Variants in BIN3 observed in about 807,000 individuals in gnomAD.
BIN3 encodes bridging integrator 3.
Under a neutral mutation model 38.2 loss-of-function variants are expected in BIN3, and 41 were observed. The ratio of observed to expected loss-of-function variants is 1.07; its 90% confidence interval spans 0.84 to 1.39. The LOEUF (loss-of-function observed/expected upper bound fraction) is 1.39, where lower values mean the gene tolerates loss of function less well. Ranked by LOEUF, BIN3 falls within the 40% of genes most tolerant of loss-of-function variation. The probability of loss-of-function intolerance (pLI) is 0.00; values close to 1 mark genes in which losing one functional copy is unlikely to be tolerated. For synonymous variants in BIN3, 145 were observed against 122.6 expected, an observed-to-expected ratio of 1.18 and a Z score of -1.21; for missense variants, 361 against 324.3, an observed-to-expected ratio of 1.11 and a Z score of -0.87.
chr8:22,663,878 A>T (rs1465888213), intron 1 of BIN3, among the ~76,000 whole-genome samples: 1 of 152,200 alleles, frequency 6.6e-6, no homozygotes, highest in Non-Finnish European at 1.5e-5. Context: ...CATCTGCTTC[A>T]AGTCTTTCTT....
intron 4 of BIN3, among the ~76,000 whole-genome samples, chr8:22,632,817 T>C (rs913375418): frequency 2.0e-5 from 3 of 151,936 alleles, no homozygotes; most frequent in Middle Eastern, 3.4e-3. Flanking sequence ...CAAGTGATTC[T>C]CCTGCCTCAG....
At chr8:22,652,601 C>T (rs1802939244) in intron 1 of BIN3, among the ~76,000 whole-genome samples, 1 of 152,222 alleles carries the variant, frequency 6.6e-6, no homozygotes, top group African/African-American at 2.4e-5. Flanking sequence ...AGGGCAGTCC[C>T]ACCCTCAGCT....
chr8:22,636,606 C>G lies in BIN3; in HGVS notation c.99-20G>C, dbSNP rs1200970436. ...TCCAGCCTGCAAGGCAGGGGACGGGCTGCTTGGGGTCCCCTTCCTTCCCCC... is the reference window on the plus strand; with the variant it reads ...TCCAGCCTGCAAGGCAGGGGACGGGGTGCTTGGGGTCCCCTTCCTTCCCCC... On this transcript the variant is annotated intron_variant, in intron 3 of 8. Coordinates refer to ENST00000276416, the MANE Select transcript of BIN3 (RefSeq NM_018688.6). 6.4e-7 allele frequency: 1 copy of G among 1,550,894 alleles called. No individual in the cohort carries two copies. The highest frequency in any genetic ancestry group is 2.0e-5 in the Admixed American group (1 of 51,016).
intron 1 of BIN3, among the ~76,000 whole-genome samples, chr8:22,656,004 A>G (rs1296896475): frequency 6.6e-6 from 1 of 152,114 alleles, no homozygotes; most frequent in Non-Finnish European, 1.5e-5. Flanking sequence ...CTCATTAAAA[A>G]TTTTTTTCCA....
intron 4 of BIN3, among the ~76,000 whole-genome samples, chr8:22,632,027 A>C (rs1230858633): frequency 1.3e-5 from 2 of 152,236 alleles, no homozygotes; most frequent in African/African-American, 4.8e-5. Flanking sequence ...CACATTGTGA[A>C]TGCATTTCTT....
chr8:22,638,567 C>T (rs1165966598), intron 2 of BIN3, among the ~76,000 whole-genome samples: 5 of 152,222 alleles, frequency 3.3e-5, no homozygotes, highest in Non-Finnish European at 5.9e-5. Context: ...TACAAATTTA[C>T]TTGCTGACTA....
chr8:22,630,048 G>A (rs372793609), intron 5 of BIN3, 44 bp from the exon 6 acceptor site: 41 of 1,567,690 alleles, frequency 2.6e-5, no homozygotes, highest in Non-Finnish European at 3.2e-5. Flanking sequence ...GTGGGGAGGG[G>A]AGGGCGACAC....
intron 1 of BIN3, 200 bp from the exon 2 acceptor site, chr8:22,645,003 C>T (rs1802671309): frequency 3.8e-6 from 2 of 526,992 alleles, no homozygotes; most frequent in Admixed American, 3.1e-5. Flanking sequence ...GTCCTCCCAC[C>T]TACAGTGTCA....
rs1358790372 is a variant in BIN3 at position 22,621,284 on chromosome 8, G to GTCAT, written c.*134_*137dup. 8.5e-7 allele frequency: 1 copy of GTCAT among 1,181,072 alleles called. No homozygotes were observed. Among genetic ancestry groups the GTCAT allele is most frequent in the Non-Finnish European group, 1.2e-6 (1 of 858,816 alleles). The allele number at this position is 1,181,072 out of a possible 1,614,324, so 73.2% of individuals were successfully genotyped here. The stretch of plus-strand genomic sequence containing the variant: ...GCTCCTGGTGCCAGGCTCAGGAAGA[G>GTCAT]TCATTCATTGCAAAGGGCCGGCAAG... On this transcript the variant is annotated 3_prime_UTR_variant, in exon 9 of 9. Transcript: ENST00000276416.
chr8:22,628,056 G>C lies in BIN3; in HGVS notation c.338+1908C>G, dbSNP rs555995895. Among the ~76,000 whole-genome samples the C allele has an allele frequency of 3.3e-5, 5 of 152,384 alleles. No individual in the cohort carries two copies. The East Asian group carries it at 9.6e-4, about 29-fold the overall frequency. ...CTCCCCTGGGGATGGGAGGGGCGAA[G>C]AGGAGAAGGAGAGGGAAGGTGAGCG... On this transcript the variant is annotated intron_variant, in intron 6 of 8. Transcript: ENST00000276416.
intron 6 of BIN3, among the ~76,000 whole-genome samples, chr8:22,628,365 C>T (rs1279331141): frequency 6.6e-6 from 1 of 152,212 alleles, no homozygotes; most frequent in Admixed American, 6.5e-5. Context: ...AGCTTCTCTT[C>T]TGGCAAGAGG....
At chr8:22,656,007 T>G (rs1563980112) in intron 1 of BIN3, among the ~76,000 whole-genome samples, 1 of 152,180 alleles carries the variant, frequency 6.6e-6, no homozygotes, top group Non-Finnish European at 1.5e-5. Context: ...ATTAAAAATT[T>G]TTTTCCAGGT....
intron 5 of BIN3, 42 bp from the exon 6 acceptor site, chr8:22,630,046 G>A (rs754944560): frequency 1.3e-5 from 21 of 1,574,420 alleles, no homozygotes; most frequent in Admixed American, 1.8e-5. Flanking sequence ...TGGTGGGGAG[G>A]GGAGGGCGAC....
intron 1 of BIN3, among the ~76,000 whole-genome samples, chr8:22,667,362 A>T (rs574058848): frequency 6.6e-6 from 1 of 152,314 alleles, no homozygotes; most frequent in South Asian, 2.1e-4. Context: ...TCACCCAGAG[A>T]ATCATTTACC....
intron 1 of BIN3, among the ~76,000 whole-genome samples, chr8:22,663,705 CA>C (rs2117603791): frequency 6.6e-6 from 1 of 152,304 alleles, no homozygotes; most frequent in Non-Finnish European, 1.5e-5. Flanking sequence ...CTACCCAAAC[CA>C]CTACTTACCA....
At chr8:22,657,535 AG>A (rs929924428) in intron 1 of BIN3, among the ~76,000 whole-genome samples, 15 of 152,250 alleles carry the variant, frequency 9.9e-5, no homozygotes, top group African/African-American at 2.9e-4. Flanking sequence ...ACAGAGCCCA[AG>A]AGGATATATG....
intron 1 of BIN3, among the ~76,000 whole-genome samples, chr8:22,660,607 G>C (rs1050513544): frequency 6.6e-6 from 1 of 152,218 alleles, no homozygotes; most frequent in South Asian, 2.1e-4. Flanking sequence ...TCCCCATCCC[G>C]TGGGGCAGGG....
At chr8:22,645,356 C>T (rs1802682591) in intron 1 of BIN3, among the ~76,000 whole-genome samples, 2 of 151,838 alleles carry the variant, frequency 1.3e-5, no homozygotes, top group Non-Finnish European at 2.9e-5. Context: ...GTGGCACATG[C>T]CTGTAGTCCC....
intron 4 of BIN3, among the ~76,000 whole-genome samples, chr8:22,631,501 T>C (rs1271707369): frequency 6.6e-6 from 1 of 152,180 alleles, no homozygotes; most frequent in African/African-American, 2.4e-5. Flanking sequence ...GAAATGTAGT[T>C]TGGTTCCATT....
Sources: allele counts gnomAD v4.1 joint callset (sites outside exome capture counted in the v4.1 genomes callset), GRCh38; gene constraint gnomAD v4.1.1; transcripts MANE v1.5; gene names NCBI Gene and HGNC (gene_info 2026-07-23, HGNC 2026-07-21).